Variants in KCNH1 observed in about 807,000 individuals in gnomAD.
KCNH1 encodes the protein potassium voltage-gated channel subfamily H member 1, also known as voltage-gated delayed rectifier potassium channel KCNH1.
A neutral mutation model predicts 69.2 loss-of-function variants in KCNH1; 27 were observed. That is an observed-to-expected ratio of 0.39 (90% CI 0.29 to 0.54). KCNH1 has a LOEUF of 0.54. Ranked by LOEUF, KCNH1 falls within the 20% of genes least tolerant of loss-of-function variation. The probability of loss-of-function intolerance (pLI) is 0.68; values close to 1 mark genes in which losing one functional copy is unlikely to be tolerated. For synonymous variants in KCNH1, 456 were observed against 487.7 expected, an observed-to-expected ratio of 0.93 and a Z score of 0.86; for missense variants, 798 against 1,261.6, an observed-to-expected ratio of 0.63 and a Z score of 5.57.
In KCNH1 at chr1:210,706,763, T is replaced by G. The variant is rs148910248; in HGVS notation, c.2113-22625A>C. Among the ~76,000 whole-genome samples the G allele has an allele frequency of 6.7e-3, 1,016 of 152,372 alleles. 10 individuals carry two copies. The highest frequency in any genetic ancestry group is 0.031 in the Middle Eastern group (9 of 294). The stretch of plus-strand genomic sequence containing the variant: ...AATTCGTGCTAAGAATAGTGGCTAA[T>G]TCTCATCACATCACCCCAGGTGGAT... On this transcript the variant is annotated intron_variant, in intron 10 of 10. Transcript: ENST00000271751.
chr1:210,722,489 C>G (rs544221486), intron 10 of KCNH1, among the ~76,000 whole-genome samples: 1 of 152,244 alleles, frequency 6.6e-6, no homozygotes, highest in East Asian at 1.9e-4. Context: ...ATCAGAAGTT[C>G]TGTGCCCCTG....
chr1:211,069,279 T>TC lies in KCNH1; in HGVS notation c.558+13500dup, dbSNP rs1304653163. 1.4e-3 allele frequency among the ~76,000 whole-genome samples: 97 copies of TC among 70,768 alleles called. 1 individual carries two copies. The highest frequency in any genetic ancestry group is 0.013 in the Middle Eastern group (1 of 80). The allele number at this position is 70,768 out of a possible 152,430, so 46.4% of individuals were successfully genotyped here. A position where few individuals can be genotyped will look rare whatever the true frequency, so the allele number is the denominator to read the frequency against. Reference sequence around the variant, plus strand: ...TAATCACAGAACTATAGAACATTCCTCCCCCACCCCCCACCCTACCATCAC... The same window carrying TC: ...TAATCACAGAACTATAGAACATTCCTCCCCCCACCCCCCACCCTACCATCAC... On this transcript the variant is annotated intron_variant, in intron 5 of 10. Coordinates refer to ENST00000271751, the MANE Select transcript of KCNH1 (RefSeq NM_172362.3).
chr1:210,695,931 A>G (rs1311853855), intron 10 of KCNH1, among the ~76,000 whole-genome samples: 1 of 152,186 alleles, frequency 6.6e-6, no homozygotes, highest in Non-Finnish European at 1.5e-5. Context: ...GCTCTGGCAG[A>G]CTGACAGGCG....
intron 10 of KCNH1, among the ~76,000 whole-genome samples, chr1:210,694,487 G>A (rs2149007133): frequency 6.6e-6 from 1 of 152,288 alleles, no homozygotes; most frequent in East Asian, 1.9e-4. Context: ...CATGCTGCCT[G>A]AGCCCTCTGT....
At chr1:211,090,796 A>T in intron 3 of KCNH1, 106 bp from the exon 4 acceptor site, 1 of 1,072,276 alleles carries the variant, frequency 9.3e-7, no homozygotes, top group South Asian at 1.6e-5. Context: ...TTCATTTTTT[A>T]AATGGTCTTA....
chr1:210,749,333 A>C (rs936829781), intron 10 of KCNH1, among the ~76,000 whole-genome samples: 3 of 152,202 alleles, frequency 2.0e-5, no homozygotes, highest in Admixed American at 2.0e-4. Flanking sequence ...TGAGCTTTTA[A>C]GTAAAAGGAG....
intron 10 of KCNH1, among the ~76,000 whole-genome samples, chr1:210,695,066 T>G (rs1681609137): frequency 6.6e-6 from 1 of 152,208 alleles, no homozygotes; most frequent in Non-Finnish European, 1.5e-5. Context: ...CAGAGGCTGT[T>G]CTAGAGCAAT....
At chr1:211,070,688 G>A (rs2102457501) in intron 5 of KCNH1, among the ~76,000 whole-genome samples, 1 of 152,010 alleles carries the variant, frequency 6.6e-6, no homozygotes, top group Admixed American at 6.5e-5. Context: ...GCCAGGCATG[G>A]TGACGGGTGC....
chr1:210,816,207 A>T (rs760339408), intron 7 of KCNH1, among the ~76,000 whole-genome samples: 17 of 152,176 alleles, frequency 1.1e-4, no homozygotes, highest in Non-Finnish European at 2.2e-4. Context: ...AGAGAAGCCT[A>T]AAAACTCTCA....
chr1:210,890,405 A>T (rs2102521487), intron 7 of KCNH1, among the ~76,000 whole-genome samples: 1 of 152,364 alleles, frequency 6.6e-6, no homozygotes, highest in Admixed American at 6.5e-5. Context: ...CAGAAGGATT[A>T]AAGACTTAAA....
intron 6 of KCNH1, among the ~76,000 whole-genome samples, chr1:211,009,529 G>C (rs942760932): frequency 2.0e-5 from 3 of 152,122 alleles, no homozygotes; most frequent in African/African-American, 7.2e-5. Context: ...GAGAAGGAGG[G>C]AAGCAGAGTA....
intron 9 of KCNH1, among the ~76,000 whole-genome samples, chr1:210,795,315 T>G (rs1477042636): frequency 6.6e-6 from 1 of 152,032 alleles, no homozygotes. Context: ...CCCATCTAAT[T>G]TTTGTATTTT....
chr1:211,051,098 A>C (rs139799912), intron 5 of KCNH1, among the ~76,000 whole-genome samples: 1,863 of 152,096 alleles, frequency 0.012, 37 homozygotes, highest in African/African-American at 0.043. Flanking sequence ...CCCGGGTTCA[A>C]GTGATTCTCG....
chr1:210,820,613 G>A (rs924759794), intron 7 of KCNH1, among the ~76,000 whole-genome samples: 4 of 152,092 alleles, frequency 2.6e-5, no homozygotes, highest in Non-Finnish European at 5.9e-5. Flanking sequence ...CAGCCTGGGC[G>A]ACAGAGAGAG....
At position 210,792,464 on chromosome 1, in the gene KCNH1, CAA is replaced by C. The variant is rs1442620817; in HGVS notation, c.1915+5042_1915+5043del. Among the ~76,000 whole-genome samples, 3 of 151,974 alleles carry C rather than the reference CAA, an allele frequency of 2.0e-5. No individual in the cohort carries two copies. In the South Asian group the frequency reaches 6.3e-4, roughly 32 times the overall value. On this transcript the variant is annotated intron_variant, in intron 9 of 10. Coordinates refer to ENST00000271751, the MANE Select transcript of KCNH1 (RefSeq NM_172362.3). ...GTGCTAGGTGCTGGAGATAAGAAAT[CAA>C]AGAGTCTGGGGCTCACAGGAGAGTG...
rs892109291 is a variant in KCNH1 at position 210,680,322 on chromosome 1, A to T, written c.*2959T>A. 2.0e-5 allele frequency: 3 copies of T among 151,878 alleles called. No homozygotes were observed. The highest frequency in any genetic ancestry group is 4.4e-5 in the Non-Finnish European group (3 of 67,940). The allele number at this position is 151,878 out of a possible 1,614,324, so 9.4% of individuals were successfully genotyped here. ...TGACATTCAAAGTAAAGAATTTAGT[A>T]GAAATCAAATAACCAGCACTTACTA... is the stretch of plus-strand genomic sequence containing the variant. On this transcript the variant is annotated 3_prime_UTR_variant, in exon 11 of 11. Coordinates refer to ENST00000271751, the MANE Select transcript of KCNH1 (RefSeq NM_172362.3).
intron 7 of KCNH1, among the ~76,000 whole-genome samples, chr1:210,828,010 T>C (rs781718293): frequency 6.6e-6 from 1 of 152,068 alleles, no homozygotes; most frequent in Non-Finnish European, 1.5e-5. Flanking sequence ...ACCTGGCTAA[T>C]TTTTGTATTT....
chr1:210,939,141 T>C (rs1156586773), intron 6 of KCNH1, among the ~76,000 whole-genome samples: 3 of 152,122 alleles, frequency 2.0e-5, no homozygotes, highest in African/African-American at 7.2e-5. Flanking sequence ...CAACAAATAC[T>C]TCCTGCACAC....
chr1:210,882,910 T>G (rs1452052988), intron 7 of KCNH1, among the ~76,000 whole-genome samples: 1 of 152,144 alleles, frequency 6.6e-6, no homozygotes, highest in Non-Finnish European at 1.5e-5. Context: ...CTCTGCAAAA[T>G]TGAATCATTA....
Sources: gnomAD v4.1 joint callset for allele counts (sites outside exome capture counted in the v4.1 genomes callset) on GRCh38, gnomAD v4.1.1 for gene constraint, MANE v1.5 for transcripts, NCBI Gene and HGNC (gene_info 2026-07-23, HGNC 2026-07-21) for gene names.